The following AOPEP variants were observed in gnomAD, a reference collection of about 807,000 sequenced individuals.
The protein encoded by AOPEP is aminopeptidase O (putative).
AOPEP carries 77 observed loss-of-function variants against 98.1 expected under a neutral mutation model. The ratio of observed to expected loss-of-function variants is 0.78; its 90% CI spans 0.65 to 0.95. The LOEUF is 0.95. Among genes scored for constraint, AOPEP ranks in the 40% least tolerant of loss-of-function variants. AOPEP has a pLI of 0.00. For missense variants in AOPEP, 1,024 were observed against 1,024.7 expected (o/e 1.00, Z 0.01); for synonymous variants, 346 against 365.3 (o/e 0.95, Z 0.60).
the AOPEP span, chr9:95,117,226 G>A: frequency 8.0e-6 from 9 of 1,121,504 alleles, no homozygotes; most frequent in Admixed American, 7.2e-5. Context: ...CCCTCATGCT[G>A]TAGATAAGGG....
At chr9:95,111,683 C>G in the AOPEP span, 1 of 1,612,112 alleles carries the variant, frequency 6.2e-7, no homozygotes, top group Non-Finnish European at 8.5e-7. Flanking sequence ...CTAAATTCTT[C>G]TTCCTTTGGG....
chr9:95,061,039 C>T, intron 14 of AOPEP: 2 of 420,906 alleles, frequency 4.8e-6, no homozygotes, highest in South Asian at 6.5e-5. Flanking sequence ...TAAAGATGGA[C>T]ATAAGTCTCC....
chr9:94,750,307 C>T (rs1835389181), intron 1 of AOPEP, among the ~76,000 whole-genome samples: 2 of 152,174 alleles, frequency 1.3e-5, no homozygotes, highest in South Asian at 4.1e-4. Context: ...AGGTTTCGGC[C>T]AGGTGCAGTG....
At chr9:94,768,094 A>G (rs1231192240) in intron 2 of AOPEP, among the ~76,000 whole-genome samples, 2 of 152,192 alleles carry the variant, frequency 1.3e-5, no homozygotes, top group Non-Finnish European at 1.5e-5. Context: ...GATGGAAAGG[A>G]ATTGGAGGAG....
chr9:95,150,079 G>A, the AOPEP span: 1 of 1,613,914 alleles, frequency 6.2e-7, no homozygotes, highest in African/African-American at 1.3e-5. Flanking sequence ...CACTCGCTCG[G>A]GAGCCATTCT....
chr9:94,925,174 T>G (rs976111191), intron 6 of AOPEP, among the ~76,000 whole-genome samples: 4 of 152,174 alleles, frequency 2.6e-5, no homozygotes, highest in Admixed American at 1.3e-4. Context: ...GTATTTTTAG[T>G]AGACGGGGGT....
At chr9:95,096,058 C>T in the AOPEP span, among the ~76,000 whole-genome samples, 1 of 152,148 alleles carries the variant, frequency 6.6e-6, no homozygotes, top group African/African-American at 2.4e-5. Context: ...CTCTCCGAAG[C>T]AGGGGAACTG....
chr9:94,946,321 A>T (rs1226528033), intron 7 of AOPEP, among the ~76,000 whole-genome samples: 1 of 152,184 alleles, frequency 6.6e-6, no homozygotes, highest in Non-Finnish European at 1.5e-5. Flanking sequence ...AGTCTCTTAA[A>T]ATTGTAGATA....
rs146641428 is a variant in AOPEP, at chr9:95,028,195, A to G, written c.2115+22579A>G. The stretch of plus-strand genomic sequence containing the variant: ...GATTTTCTTAGGGTCTGATATCTGA[A>G]TAAACAACCTCAACTGAACACAATT... On this transcript the variant is annotated intron_variant, in intron 13 of 16. Transcript: ENST00000375315. Among the ~76,000 whole-genome samples, 20 of 152,356 alleles carry G rather than the reference A, an allele frequency of 1.3e-4. No homozygotes were observed. The East Asian group carries it at 2.9e-3, about 22-fold the overall frequency.
rs974196104 is a variant in AOPEP at position 94,801,176 on chromosome 9, C to T, written c.1364+174C>T. 1.2e-4 allele frequency among the ~76,000 whole-genome samples: 19 copies of T among 152,328 alleles called. 1 individual carries two copies. The highest frequency in any genetic ancestry group is 2.4e-4 in the Non-Finnish European group (16 of 68,038). On this transcript the variant is annotated intron_variant, in intron 5 of 16. Transcript: ENST00000375315. ...GAGGGACAATTTTAATGCAGACTCC[C>T]TCATGCACGAGCCTTTGAGTGTCAT... is the stretch of plus-strand genomic sequence containing the variant.
At chr9:95,041,262 A>G (rs186010608) in intron 13 of AOPEP, among the ~76,000 whole-genome samples, 8 of 152,292 alleles carry the variant, frequency 5.3e-5, no homozygotes, top group Admixed American at 5.2e-4. Flanking sequence ...TTGTAGCAAG[A>G]GTGACTTGCG....
the AOPEP span, among the ~76,000 whole-genome samples, chr9:95,106,793 C>T: frequency 0.011 from 1,736 of 152,294 alleles, 29 homozygotes; most frequent in African/African-American, 0.039. Flanking sequence ...GGACAGGAGA[C>T]CTGGCTTCTA....
chr9:95,023,992 G>A (rs2063655748), intron 13 of AOPEP, among the ~76,000 whole-genome samples: 1 of 152,172 alleles, frequency 6.6e-6, no homozygotes, highest in Non-Finnish European at 1.5e-5. Context: ...GTAGTTAAAA[G>A]GGTCATTGGA....
chr9:95,019,923 G>T (rs1387568499), intron 13 of AOPEP: 2 of 152,246 alleles, frequency 1.3e-5, no homozygotes, highest in African/African-American at 4.8e-5. Flanking sequence ...GTCCTCCATA[G>T]ATGCATGTGC....
chr9:94,894,648 C>G (rs1395872428), intron 5 of AOPEP, among the ~76,000 whole-genome samples: 1 of 152,136 alleles, frequency 6.6e-6, no homozygotes, highest in African/African-American at 2.4e-5. Context: ...CAGGTCAGTT[C>G]TAACTGTAAA....
chr9:95,049,712 A>G (rs1005267939), intron 13 of AOPEP, among the ~76,000 whole-genome samples: 1 of 152,196 alleles, frequency 6.6e-6, no homozygotes, highest in Non-Finnish European at 1.5e-5. Flanking sequence ...TTTCTAAACA[A>G]ATTTCCTGAA....
chr9:94,891,286 A>G (rs976309401), intron 5 of AOPEP, among the ~76,000 whole-genome samples: 2 of 152,142 alleles, frequency 1.3e-5, no homozygotes, highest in Non-Finnish European at 2.9e-5. Flanking sequence ...ATCTTTTTCT[A>G]TCCTGTCACT....
chr9:94,919,057 G>A (rs2053225829), intron 5 of AOPEP, among the ~76,000 whole-genome samples: 1 of 152,050 alleles, frequency 6.6e-6, no homozygotes, highest in Admixed American at 6.6e-5. Flanking sequence ...TGGGATTACA[G>A]GCACCTGCCA....
chr9:95,123,591 C>A, the AOPEP span: 1 of 586,446 alleles, frequency 1.7e-6, no homozygotes, highest in African/African-American at 1.9e-5. Flanking sequence ...ATTTGCGACA[C>A]GAACTGTGCC....
Sources: gnomAD v4.1 joint callset for allele counts (sites outside exome capture counted in the v4.1 genomes callset) on GRCh38, gnomAD v4.1.1 for gene constraint, MANE v1.5 for transcripts, NCBI Gene and HGNC (gene_info 2026-07-23, HGNC 2026-07-21) for gene names.